The following CMIP variants were observed in gnomAD, a reference collection of about 807,000 sequenced individuals.
CMIP encodes the protein C-Maf-inducing protein.
In CMIP, 13 loss-of-function variants were observed where a neutral mutation model predicts 97.3. The observed-to-expected ratio is 0.13, with a 90% CI of 0.09 to 0.21. The LOEUF (loss-of-function observed/expected upper bound fraction) is 0.21. Among genes scored for constraint, CMIP ranks in the 10% least tolerant of loss-of-function variants. The pLI, the probability that CMIP is intolerant of heterozygous loss-of-function variation, is 1.00. For synonymous variants in CMIP, 538 were observed against 436.3 expected, an observed-to-expected ratio of 1.23 and a Z score of -2.91; for missense variants, 847 against 1,024.9, an observed-to-expected ratio of 0.83 and a Z score of 2.37.
chr16:81,536,912 C>T (rs922937942), intron 1 of CMIP, among the ~76,000 whole-genome samples: 4 of 152,212 alleles, frequency 2.6e-5, no homozygotes, highest in Non-Finnish European at 4.4e-5. Context: ...ACCCCACCCC[C>T]TGCCCTGCAC....
intron 1 of CMIP, among the ~76,000 whole-genome samples, chr16:81,484,544 C>G (rs56311237): frequency 0.11 from 17,203 of 152,188 alleles, 1,211 homozygotes; most frequent in Non-Finnish European, 0.15. Context: ...TCCTCTTCCC[C>G]CTTGGGCCAC....
At chr16:81,465,682 C>T (rs537274217) in intron 1 of CMIP, among the ~76,000 whole-genome samples, 2 of 152,362 alleles carry the variant, frequency 1.3e-5, no homozygotes, top group African/African-American at 4.8e-5. Context: ...GTGAGAGGGC[C>T]TCTCTGGCTC....
intron 13 of CMIP, 63 bp downstream of exon 13, chr16:81,693,550 C>G: frequency 6.5e-7 from 1 of 1,529,168 alleles, no homozygotes; most frequent in Non-Finnish European, 8.9e-7. Context: ...CACGAGGGCC[C>G]CTTAGAGGCC....
intron 1 of CMIP, among the ~76,000 whole-genome samples, chr16:81,505,210 C>T (rs1242053504): frequency 6.6e-6 from 1 of 152,214 alleles, no homozygotes; most frequent in African/African-American, 2.4e-5. Context: ...CATCACTGCT[C>T]ATGGTTCATT....
intron 4 of CMIP, among the ~76,000 whole-genome samples, chr16:81,656,451 G>C (rs1017159601): frequency 1.3e-5 from 2 of 152,174 alleles, no homozygotes; most frequent in African/African-American, 4.8e-5. Context: ...TGGCACCACT[G>C]TGTGTCCACC....
At chr16:81,597,383 G>A (rs560753379) in intron 1 of CMIP, among the ~76,000 whole-genome samples, 1 of 152,178 alleles carries the variant, frequency 6.6e-6, no homozygotes, top group African/African-American at 2.4e-5. Flanking sequence ...TGTAGACAAA[G>A]GCCAGGGCGT....
At chr16:81,626,630 G>A (rs984065203) in intron 3 of CMIP, among the ~76,000 whole-genome samples, 2 of 147,600 alleles carry the variant, frequency 1.4e-5, no homozygotes, top group African/African-American at 2.5e-5. Context: ...TGGTGTGTGG[G>A]TGGCTTATGA....
chr16:81,615,753 GTA>G (rs2091909399), intron 2 of CMIP, among the ~76,000 whole-genome samples: 1 of 151,930 alleles, frequency 6.6e-6, no homozygotes, highest in Non-Finnish European at 1.5e-5. Context: ...TGTGTGTGGT[GTA>G]TGTGTCTTTG....
In CMIP at chr16:81,621,558, G is replaced by A. The variant is rs1186955523; in HGVS notation, c.477+632G>A. 6 of 153,182 alleles carry A rather than the reference G, an allele frequency of 3.9e-5. No homozygotes were observed. In the East Asian group the frequency reaches 5.8e-4, roughly 15 times the overall value. The allele number at this position is 153,182 out of a possible 1,614,324, so 9.5% of individuals were successfully genotyped here. ...GAAACCTTGACGTCAGGACCAGGGC[G>A]TGAAGCACGTACAGTCAGCTTCTCA... On this transcript the variant is annotated intron_variant, in intron 3 of 20. Transcript: ENST00000537098. The surrounding 1 kb of genome is among the most constrained non-coding windows in gnomAD (Gnocchi z 4.1).
chr16:81,540,859 T>C (rs561330624), intron 1 of CMIP, among the ~76,000 whole-genome samples: 1 of 152,176 alleles, frequency 6.6e-6, no homozygotes, highest in Admixed American at 6.5e-5. Flanking sequence ...TTTTTGTATT[T>C]TTAGTAGAGA....
At chr16:81,451,698 C>T (rs1426968404) in intron 1 of CMIP, among the ~76,000 whole-genome samples, 1 of 152,176 alleles carries the variant, frequency 6.6e-6, no homozygotes, top group Non-Finnish European at 1.5e-5. Flanking sequence ...TTCCCTGCAG[C>T]TGAAGGAACA....
At chr16:81,625,087 A>G (rs1425686605) in intron 3 of CMIP, among the ~76,000 whole-genome samples, 2 of 152,192 alleles carry the variant, frequency 1.3e-5, no homozygotes, top group Admixed American at 6.5e-5. Flanking sequence ...GCCACCAAGA[A>G]GGCAAGCGGG....
intron 1 of CMIP, among the ~76,000 whole-genome samples, chr16:81,512,630 C>T (rs901856454): frequency 6.6e-5 from 10 of 151,838 alleles, no homozygotes; most frequent in African/African-American, 2.2e-4. Context: ...GTAGCATCTT[C>T]CAAAGGTTTT....
At chr16:81,513,963 T>TAATCC (rs2089861671) in intron 1 of CMIP, among the ~76,000 whole-genome samples, 1 of 152,160 alleles carries the variant, frequency 6.6e-6, no homozygotes, top group East Asian at 1.9e-4. Flanking sequence ...GAGGAAGGCT[T>TAATCC]TGTGTTTTGA....
In CMIP at chr16:81,652,937, T is replaced by G. The variant is rs2151007832; in HGVS notation, c.639+573T>G. ...TGTGTGCTTTGTGCCAGGCACCATC[T>G]GGGAATTCAAGCAAAGACAAGCCCC... On this transcript the variant is annotated intron_variant, in intron 4 of 20. Transcript: ENST00000537098. This position sits in a 1 kb window ranked among gnomAD's most constrained non-coding sequence, Gnocchi z 5.2. Among the ~76,000 whole-genome samples, 1 of 152,208 alleles carries G rather than the reference T, an allele frequency of 6.6e-6. No individual in the cohort carries two copies. Among genetic ancestry groups the G allele is most frequent in the Admixed American group, 6.5e-5 (1 of 15,292 alleles).
At chr16:81,695,202 C>T (rs1203802516) in intron 13 of CMIP, among the ~76,000 whole-genome samples, 1 of 152,228 alleles carries the variant, frequency 6.6e-6, no homozygotes, top group Non-Finnish European at 1.5e-5. Flanking sequence ...CTCCTGTTTG[C>T]CTCTTTCTTT....
At chr16:81,675,462 G>GCC (rs1378505867) in intron 9 of CMIP, among the ~76,000 whole-genome samples, 11 of 149,672 alleles carry the variant, frequency 7.3e-5, no homozygotes, top group East Asian at 2.0e-4. Flanking sequence ...CAAGTGAAAT[G>GCC]CCCCCCTTAG....
chr16:81,638,850 T>C (rs991705880), intron 3 of CMIP, among the ~76,000 whole-genome samples: 41 of 151,960 alleles, frequency 2.7e-4, no homozygotes, highest in African/African-American at 9.2e-4. Context: ...GTGTTGAGTT[T>C]TAGAATTCTG....
intron 1 of CMIP, among the ~76,000 whole-genome samples, chr16:81,467,221 G>A (rs536227421): frequency 6.6e-6 from 1 of 152,326 alleles, no homozygotes; most frequent in South Asian, 2.1e-4. Context: ...TCTGGGACCT[G>A]GGCACATCCC....
Sources: gnomAD v4.1 joint callset for allele counts (sites outside exome capture counted in the v4.1 genomes callset) on GRCh38, gnomAD v4.1.1 for gene constraint, Gnocchi (gnomAD v3.1) non-coding constraint, MANE v1.5 for transcripts, NCBI Gene and HGNC (gene_info 2026-07-23, HGNC 2026-07-21) for gene names.